The following ERCC2 variants were observed in gnomAD, a reference collection of about 807,000 sequenced individuals.
The protein encoded by ERCC2 is general transcription and DNA repair factor IIH helicase subunit XPD.
In ERCC2, 90 loss-of-function variants were observed where a neutral mutation model predicts 99.4. The observed-to-expected ratio is 0.91, with a 90% CI of 0.76 to 1.08. ERCC2 has a LOEUF of 1.08. Ranked by LOEUF, ERCC2 falls within the 50% of genes least tolerant of loss-of-function variation. The probability of loss-of-function intolerance (pLI) is 0.00; values close to 1 mark genes in which losing one functional copy is unlikely to be tolerated. For synonymous variants in ERCC2, 497 were observed against 432.4 expected (o/e 1.15, Z -1.85); for missense variants, 993 against 1,038.1 (o/e 0.96, Z 0.60).
chr19:45,351,064 G>A lies in ERCC2; in HGVS notation c.*565C>T. 1.9e-6 allele frequency: 3 copies of A among 1,613,856 alleles called. No individual in the cohort carries two copies. Among genetic ancestry groups the A allele is most frequent in the Non-Finnish European group, 8.5e-7 (1 of 1,179,922 alleles). On this transcript the variant is annotated 3_prime_UTR_variant, in exon 23 of 23. Coordinates refer to ENST00000391945, the MANE Select transcript of ERCC2 (RefSeq NM_000400.4). Reference sequence around the variant, plus strand: ...AAAATAGAGGAGGCCATGTGGGTAGGTGCAGAGATGAGGCAAAGGCAGGGC... The same window carrying A: ...AAAATAGAGGAGGCCATGTGGGTAGATGCAGAGATGAGGCAAAGGCAGGGC...
In ERCC2 at chr19:45,351,581, C is replaced by T; in HGVS notation, c.*48G>A. On this transcript the variant is annotated 3_prime_UTR_variant, in exon 23 of 23. Coordinates refer to ENST00000391945, the MANE Select transcript of ERCC2 (RefSeq NM_000400.4). Reference sequence around the variant, plus strand: ...ACCGCCGCTGGGAACCAGGGCCAGGCAAGACTCAGGAGTCACCAGGAACCG... The same window carrying T: ...ACCGCCGCTGGGAACCAGGGCCAGGTAAGACTCAGGAGTCACCAGGAACCG... 6.2e-7 allele frequency: 1 copy of T among 1,611,458 alleles called. No homozygotes were observed. Among genetic ancestry groups the T allele is most frequent in the Non-Finnish European group, 8.5e-7 (1 of 1,179,436 alleles).
rs762542620 is a variant in ERCC2, at chr19:45,350,494, T to TC, written c.*1134dup. ...GCTTCTCTATGTCCCCATCTCAGTG[T>TC]CCCCCATCTTTCCCCCTAGGTGCCC... On this transcript the variant is annotated 3_prime_UTR_variant, in exon 23 of 23. Transcript: ENST00000391945. 4 of 1,613,154 alleles carry TC rather than the reference T, an allele frequency of 2.5e-6. No homozygotes were observed. The highest frequency in any genetic ancestry group is 2.5e-6 in the Non-Finnish European group (3 of 1,179,638).
rs557959380 is a variant in ERCC2 at position 45,362,006 on chromosome 19, G to A, written c.1119-364C>T. Reference sequence around the variant, plus strand: ...GGCTGGAGAGCACTGGTACCATCTCGACTCCGCCTCCTGGGTTCAAATGAT... The same window carrying A: ...GGCTGGAGAGCACTGGTACCATCTCAACTCCGCCTCCTGGGTTCAAATGAT... On this transcript the variant is annotated intron_variant, in intron 11 of 22. Coordinates refer to ENST00000391945, the MANE Select transcript of ERCC2 (RefSeq NM_000400.4). 4 of 263,866 alleles carry A rather than the reference G, an allele frequency of 1.5e-5. No individual in the cohort carries two copies. In the East Asian group the frequency reaches 2.9e-4, roughly 19 times the overall value. 16.3% of individuals were successfully genotyped at this position (263,866 alleles called of 1,614,324 possible).
At chr19:45,360,060 CCA>C (rs1157294871) in intron 12 of ERCC2, among the ~76,000 whole-genome samples, 1 of 151,538 alleles carries the variant, frequency 6.6e-6, no homozygotes, top group African/African-American at 2.4e-5. Flanking sequence ...CAGACATGAG[CCA>C]CTATGCCAGG....
At chr19:45,363,552 A>G (rs1972300566) in intron 11 of ERCC2, among the ~76,000 whole-genome samples, 191 bp downstream of exon 11, 2 of 152,126 alleles carry the variant, frequency 1.3e-5, no homozygotes, top group Non-Finnish European at 2.9e-5. Flanking sequence ...TGCCCGACGC[A>G]CGGACCCAGG....
At position 45,351,708 on chromosome 19, in the gene ERCC2, C is replaced by G; in HGVS notation, c.2204G>C (p.Gly735Ala). 6.2e-7 allele frequency: 1 copy of G among 1,613,812 alleles called. No individual in the cohort carries two copies. The highest frequency in any genetic ancestry group is 1.1e-5 in the South Asian group (1 of 91,076). The part of the protein sequence containing the change: ...AQPFHREDQL[G>A]LSLLSLEQLE... ...CTGCTCCAGGCTGAGCAGGGACAGG[C>G]CCAGCTGATCCTCCTGCAGAGAACA... is the stretch of plus-strand genomic sequence containing the variant. Residue 735 changes from glycine to alanine, a missense_variant, in exon 23 of 23, where the codon GGC (glycine) becomes GCC (alanine). Around this residue, in one of 3 missense-constraint regions of ERCC2, gnomAD observed 909 missense variants for 930.8 expected, o/e 0.98. Transcript: ENST00000391945.
chr19:45,367,360 TATATATATACACAC>T (rs1478939312), intron 5 of ERCC2, among the ~76,000 whole-genome samples: 1 of 47,466 alleles, frequency 2.1e-5, no homozygotes. Flanking sequence ...CAAAAATATA[TATATATATACACAC>T]ACACACACAC....
intron 18 of ERCC2, 42 bp downstream of exon 18, chr19:45,353,200 C>G (rs758255239): frequency 6.2e-7 from 1 of 1,611,382 alleles, no homozygotes; most frequent in South Asian, 1.1e-5. Flanking sequence ...CTCCTCAGAG[C>G]CACCTCCCCG....
rs376661134 is a variant in ERCC2 at position 45,351,004 on chromosome 19, C to T, written c.*625G>A. ...ACACTGAACGTGGATGCTCCAAGGG[C>T]TCCTGGGACTCAGGTGAGGGGGACA... On this transcript the variant is annotated 3_prime_UTR_variant, in exon 23 of 23. Coordinates refer to ENST00000391945, the MANE Select transcript of ERCC2 (RefSeq NM_000400.4). The T allele has an allele frequency of 3.7e-6, 6 of 1,613,986 alleles. No individual in the cohort carries two copies. Among genetic ancestry groups the T allele is most frequent in the South Asian group, 2.2e-5 (2 of 91,092 alleles).
intron 17 of ERCC2, among the ~76,000 whole-genome samples, 172 bp from the exon 18 acceptor site, chr19:45,353,506 A>T (rs1971902363): frequency 6.6e-6 from 1 of 152,100 alleles, no homozygotes; most frequent in Non-Finnish European, 1.5e-5. Context: ...GGAAACAGTG[A>T]TCTGGGTGGG....
At chr19:45,358,652 C>T in intron 12 of ERCC2, 1 of 607,286 alleles carries the variant, frequency 1.6e-6, no homozygotes, top group Admixed American at 2.6e-5. Flanking sequence ...GGAAAACCTC[C>T]CAAGGCTGCT....
In ERCC2 at chr19:45,370,562, C is replaced by A. The variant is rs1354296556; in HGVS notation, c.-22G>T. 4.4e-6 allele frequency: 7 copies of A among 1,590,788 alleles called. No homozygotes were observed. Among genetic ancestry groups the A allele is most frequent in the Non-Finnish European group, 4.3e-6 (5 of 1,173,998 alleles). ...TCATGGCGCCGGCCGGACTGTGCAG[C>A]GGGGTCGACCCGCCTCCCTCATGAA... On this transcript the variant is annotated 5_prime_UTR_variant, in exon 1 of 23. Coordinates refer to ENST00000391945, the MANE Select transcript of ERCC2 (RefSeq NM_000400.4).
intron 22 of ERCC2, 76 bp from the exon 23 acceptor site, chr19:45,351,797 ACC>A: frequency 7.6e-7 from 1 of 1,308,894 alleles, no homozygotes; most frequent in Admixed American, 1.7e-5. Flanking sequence ...TTCCCCAACC[ACC>A]CCCCCGAATG....
chr19:45,357,211 A>C (rs1972040947), intron 15 of ERCC2, 59 bp downstream of exon 15: 1 of 1,256,444 alleles, frequency 8.0e-7, no homozygotes, highest in Admixed American at 1.9e-5. Flanking sequence ...CCAAGGAAGG[A>C]GGGCGGCCCC....
At position 45,357,249 on chromosome 19, in the gene ERCC2, GCC is replaced by G. The variant is rs545806971; in HGVS notation, c.1479+19_1479+20del. The stretch of plus-strand genomic sequence containing the variant: ...GCCCCCATCTCCCCTCCCGGCCCCA[GCC>G]CTAGCCTCTCCCACTCACCATAGGG... On this transcript the variant is annotated intron_variant, in intron 15 of 22. Coordinates refer to ENST00000391945, the MANE Select transcript of ERCC2 (RefSeq NM_000400.4). 376 of 1,588,230 alleles carry G rather than the reference GCC, an allele frequency of 2.4e-4. 1 individual carries two copies. The African/African-American group carries it at 4.6e-3, about 19-fold the overall frequency.
chr19:45,362,206 G>A (rs1205623314), intron 11 of ERCC2, among the ~76,000 whole-genome samples: 1 of 152,102 alleles, frequency 6.6e-6, no homozygotes, highest in Non-Finnish European at 1.5e-5. Context: ...TGACAGGTGT[G>A]AGCCACTGCA....
Position 45,364,527 on chromosome 19 carries a change from C to CA in ERCC2, c.614dup (p.Val206GlyfsTer3), listed in dbSNP as rs1019893270. ...CCAGGAGGTAGTGGTAGCTATAAACCACCACATTGGCATGCAGGATCTGGG... is the reference window on the plus strand; with the variant it reads ...CCAGGAGGTAGTGGTAGCTATAAACCAACCACATTGGCATGCAGGATCTGGG... On this transcript the variant is annotated frameshift_variant, in exon 8 of 23. Transcript: ENST00000391945. LOFTEE classifies it high-confidence loss of function. 3 of 1,613,462 alleles carry CA rather than the reference C, an allele frequency of 1.9e-6. No individual in the cohort carries two copies. The African/African-American group carries it at 4.0e-5, about 22-fold the overall frequency.
chr19:45,368,036 G>A (rs2123310207), intron 5 of ERCC2, among the ~76,000 whole-genome samples: 1 of 151,658 alleles, frequency 6.6e-6, no homozygotes, highest in Non-Finnish European at 1.5e-5. Flanking sequence ...ACCACCCCCG[G>A]CTAATTTTTG....
chr19:45,355,601 G>T, intron 16 of ERCC2, 64 bp downstream of exon 16: 1 of 1,381,066 alleles, frequency 7.2e-7, no homozygotes, highest in Non-Finnish European at 1.0e-6. Flanking sequence ...GCATGACTCA[G>T]CCCACCTGAC....
Sources: gnomAD v4.1 joint callset for allele counts (sites outside exome capture counted in the v4.1 genomes callset) on GRCh38, gnomAD v4.1.1 for gene constraint, gnomAD v4.1.1 regional missense constraint, MANE v1.5 for transcripts, NCBI Gene and HGNC (gene_info 2026-07-23, HGNC 2026-07-21) for gene names.